Variants in HSPA4L observed in about 807,000 individuals in gnomAD.
HSPA4L encodes the protein heat shock protein family A (Hsp70) member 4 like, also known as heat shock 70 kDa protein 4L.
In HSPA4L, 48 loss-of-function variants were observed where a neutral mutation model predicts 100.3. The observed-to-expected ratio is 0.48, with a 90% CI of 0.38 to 0.61. The LOEUF (loss-of-function observed/expected upper bound fraction) is 0.61, where lower values mean the gene tolerates loss of function less well. Ranked by LOEUF, HSPA4L falls within the 20% of genes least tolerant of loss-of-function variation. HSPA4L has a pLI of 0.00. For synonymous variants in HSPA4L, 319 were observed against 328.2 expected (o/e 0.97, Z 0.30); for missense variants, 886 against 988.6 (o/e 0.90, Z 1.39).
chr4:127,785,474 G>T (rs1475787779), intron 1 of HSPA4L, among the ~76,000 whole-genome samples: 2 of 150,184 alleles, frequency 1.3e-5, no homozygotes, highest in Non-Finnish European at 3.0e-5. Context: ...TCTTGCTCTT[G>T]TTGCCCAGGC....
At chr4:127,787,747 T>C (rs940207861) in intron 1 of HSPA4L, among the ~76,000 whole-genome samples, 3 of 152,132 alleles carry the variant, frequency 2.0e-5, no homozygotes, top group Non-Finnish European at 4.4e-5. Flanking sequence ...ATATAAAAAT[T>C]CAGTGAATAC....
Position 127,798,460 on chromosome 4 carries a change from A to G in HSPA4L, c.307-127A>G. 3 of 850,854 alleles carry G rather than the reference A, an allele frequency of 3.5e-6. No individual in the cohort carries two copies. In the South Asian group the frequency reaches 5.6e-5, roughly 16 times the overall value. 52.7% of individuals were successfully genotyped at this position (850,854 alleles called of 1,614,324 possible). ...ATTCTAAAATGACAATCTTTCTGGA[A>G]TAAAACTTCCTTGAGCAAGGGTGTC... On this transcript the variant is annotated intron_variant, in intron 3 of 18. Coordinates refer to ENST00000296464, the MANE Select transcript of HSPA4L (RefSeq NM_014278.4).
At chr4:127,828,618 T>C (rs1022559332) in intron 17 of HSPA4L, among the ~76,000 whole-genome samples, 14 of 152,130 alleles carry the variant, frequency 9.2e-5, no homozygotes, top group African/African-American at 3.4e-4. Context: ...AGAGATTTTT[T>C]AGTTTTGTGA....
Position 127,805,723 on chromosome 4 carries a change from T to C in HSPA4L, c.1174T>C (p.Phe392Leu). Reference protein sequence around the residue: ...ILSPAFKVREFSITDLVPYSI... With the variant: ...ILSPAFKVRELSITDLVPYSI... ...CTCACCAGCATTTAAAGTGCGTGAA[T>C]TTTCCATAACAGACCTTGTTCCCTA... Residue 392 changes from phenylalanine to leucine, a missense_variant, in exon 10 of 19, where the codon TTT becomes CTT. Coordinates refer to ENST00000296464, the MANE Select transcript of HSPA4L (RefSeq NM_014278.4). The C allele has an allele frequency of 6.2e-7, 1 of 1,612,828 alleles. No homozygotes were observed. The highest frequency in any genetic ancestry group is 8.5e-7 in the Non-Finnish European group (1 of 1,179,190).
Position 127,836,574 on chromosome 4 carries a change from A to G in HSPA4L, c.*3700A>G, listed in dbSNP as rs1002752792. The G allele has an allele frequency of 6.6e-6, 1 of 151,944 alleles. No homozygotes were observed. Among genetic ancestry groups the G allele is most frequent in the African/African-American group, 2.4e-5 (1 of 41,404 alleles). 9.4% of individuals were successfully genotyped at this position (151,944 alleles called of 1,614,324 possible). ...TATTTGTGATTAATTCCATGATAGAAGTCTTTAAAGAGAATTTTGGGGCTC... is the reference window on the plus strand; with the variant it reads ...TATTTGTGATTAATTCCATGATAGAGGTCTTTAAAGAGAATTTTGGGGCTC... On this transcript the variant is annotated 3_prime_UTR_variant, in exon 19 of 19. Transcript: ENST00000296464.
At chr4:127,814,271 T>C (rs1474725493) in intron 12 of HSPA4L, among the ~76,000 whole-genome samples, 2 of 152,224 alleles carry the variant, frequency 1.3e-5, no homozygotes, top group Admixed American at 6.5e-5. Flanking sequence ...GAGGTTCCCA[T>C]ACAAGGAATT....
At chr4:127,805,905 A>G (rs1397169812) in intron 10 of HSPA4L, 112 bp downstream of exon 10, 8 of 605,650 alleles carry the variant, frequency 1.3e-5, no homozygotes, top group Non-Finnish European at 2.3e-5. Context: ...CAAATACTTT[A>G]AAATAATGTA....
rs1734257941 is a variant in HSPA4L, at chr4:127,838,312, G to A, written c.*5438G>A. ...TGTGGAAGTGATCAGTATTAAGTGG[G>A]TGATGGCTCTTTCATCTTCCTTATC... On this transcript the variant is annotated 3_prime_UTR_variant, in exon 19 of 19. Transcript: ENST00000296464. 1 of 152,156 alleles carries A rather than the reference G, an allele frequency of 6.6e-6. No homozygotes were observed. The highest frequency in any genetic ancestry group is 2.4e-5 in the African/African-American group (1 of 41,428). 9.4% of individuals were successfully genotyped at this position (152,156 alleles called of 1,614,324 possible).
intron 13 of HSPA4L, among the ~76,000 whole-genome samples, chr4:127,819,130 A>T (rs1733747408): frequency 6.6e-6 from 1 of 152,264 alleles, no homozygotes; most frequent in South Asian, 2.1e-4. Context: ...TAACCACTCT[A>T]ATTATTTTGT....
In HSPA4L at chr4:127,835,312, A is replaced by G. The variant is rs563250121; in HGVS notation, c.*2438A>G. ...GTGGAAAAGTGTAAATTGTGGTTTT[A>G]GAAACCAACTCTTGATAGTTGTACT... On this transcript the variant is annotated 3_prime_UTR_variant, in exon 19 of 19. Coordinates refer to ENST00000296464, the MANE Select transcript of HSPA4L (RefSeq NM_014278.4). The G allele has an allele frequency of 3.9e-5, 6 of 152,356 alleles. No homozygotes were observed. In the South Asian group the frequency reaches 1.0e-3, roughly 26 times the overall value. The allele number at this position is 152,356 out of a possible 1,614,324, so 9.4% of individuals were successfully genotyped here.
chr4:127,823,046 G>C (rs1578719743), intron 15 of HSPA4L, 152 bp downstream of exon 15: 5 of 631,090 alleles, frequency 7.9e-6, no homozygotes, highest in African/African-American at 7.7e-5. Flanking sequence ...ACAAGTTGCA[G>C]AAGTATGGTG....
chr4:127,838,566 G>A lies in HSPA4L; in HGVS notation c.*5692G>A, dbSNP rs369562114. 19 of 152,216 alleles carry A rather than the reference G, an allele frequency of 1.2e-4. No individual in the cohort carries two copies. Among genetic ancestry groups the A allele is most frequent in the Middle Eastern group, 3.4e-3 (1 of 294 alleles). 9.4% of individuals were successfully genotyped at this position (152,216 alleles called of 1,614,324 possible). ...ATTTACGGTCATGCCCTAAGTCACAGGATGATTATTAGGGAAATGTCATTG... is the reference window on the plus strand; with the variant it reads ...ATTTACGGTCATGCCCTAAGTCACAAGATGATTATTAGGGAAATGTCATTG... On this transcript the variant is annotated 3_prime_UTR_variant, in exon 19 of 19. Transcript: ENST00000296464.
At chr4:127,785,167 C>T (rs996788958) in intron 1 of HSPA4L, among the ~76,000 whole-genome samples, 4 of 152,160 alleles carry the variant, frequency 2.6e-5, no homozygotes, top group Non-Finnish European at 4.4e-5. Flanking sequence ...TTCAGATTCA[C>T]CTTCTGTAAA....
At position 127,794,125 on chromosome 4, in the gene HSPA4L, A is replaced by G. The variant is rs757656387; in HGVS notation, c.156A>G (p.Ala52=). ...GAACTCGAGCCATTGGAAATGCAGC[A>G]AAGAGCCAGGTAAATTGTTAATGTG... ...GSRTRAIGNA[A]KSQIVTNVRN... Residue 52 remains alanine, a synonymous_variant, in exon 2 of 19, where the codon GCA becomes GCG. Transcript: ENST00000296464. 1.2e-6 allele frequency: 2 copies of G among 1,610,754 alleles called. No individual in the cohort carries two copies. Among genetic ancestry groups the G allele is most frequent in the Admixed American group, 1.7e-5 (1 of 59,888 alleles).
intron 14 of HSPA4L, 133 bp downstream of exon 14, chr4:127,820,698 C>G (rs1234608061): frequency 1.3e-6 from 1 of 763,090 alleles, no homozygotes; most frequent in Non-Finnish European, 2.1e-6. Flanking sequence ...GATTACTAAA[C>G]TATTTTTTAC....
intron 17 of HSPA4L, among the ~76,000 whole-genome samples, chr4:127,828,306 G>A (rs933098471): frequency 1.3e-5 from 2 of 152,102 alleles, no homozygotes; most frequent in South Asian, 4.1e-4. Flanking sequence ...AGGAAGAAGA[G>A]ACCAGCACCA....
chr4:127,782,513 A>T lies in HSPA4L; in HGVS notation c.-38A>T, dbSNP rs780544452. The T allele has an allele frequency of 2.2e-5, 34 of 1,539,782 alleles. No individual in the cohort carries two copies. The highest frequency in any genetic ancestry group is 3.0e-5 in the Non-Finnish European group (33 of 1,112,798). ...GAAGAGGACACGGTTCCCGTACCGA[A>T]GGGTTCAGTACCAGCAGCCCGACCA... On this transcript the variant is annotated 5_prime_UTR_variant, in exon 1 of 19. In the 5' UTR this introduces an upstream ATG that the reference lacks. Transcript: ENST00000296464.
At chr4:127,782,784 G>A in intron 1 of HSPA4L, 127 bp downstream of exon 1, 1 of 673,048 alleles carries the variant, frequency 1.5e-6, no homozygotes, top group Non-Finnish European at 2.5e-6. Flanking sequence ...GAGATGACAG[G>A]TGCAACCCGT....
At chr4:127,810,146 A>G (rs1224094874) in intron 11 of HSPA4L, among the ~76,000 whole-genome samples, 1 of 152,216 alleles carries the variant, frequency 6.6e-6, no homozygotes, top group African/African-American at 2.4e-5. Context: ...TAATAGAAAA[A>G]AAAGGAAAGT....
Sources: allele counts gnomAD v4.1 joint callset (sites outside exome capture counted in the v4.1 genomes callset), GRCh38; gene constraint gnomAD v4.1.1; transcripts MANE v1.5; gene names NCBI Gene and HGNC (gene_info 2026-07-23, HGNC 2026-07-21).